The following MAPK10 variants were observed in gnomAD, a reference collection of about 807,000 sequenced individuals.
MAPK10 encodes mitogen-activated protein kinase 10.
In MAPK10, 25 loss-of-function variants were observed where a neutral mutation model predicts 59.3. The observed-to-expected ratio is 0.42, with a 90% CI of 0.31 to 0.59. MAPK10 has a LOEUF of 0.59. Among genes scored for constraint, MAPK10 ranks in the 20% least tolerant of loss-of-function variants. The probability of loss-of-function intolerance (pLI) is 0.15; values close to 1 mark genes in which losing one functional copy is unlikely to be tolerated. For synonymous variants in MAPK10, 190 were observed against 200.5 expected (o/e 0.95, Z 0.44); for missense variants, 351 against 568.9 (o/e 0.62, Z 3.90).
chr4:86,035,155 G>T (rs563125009), intron 11 of MAPK10, among the ~76,000 whole-genome samples: 1 of 152,108 alleles, frequency 6.6e-6, no homozygotes, highest in South Asian at 2.1e-4. Context: ...TGGATTATTT[G>T]AAGTCAGGAG....
At chr4:86,057,100 A>C (rs1293319344) in intron 11 of MAPK10, among the ~76,000 whole-genome samples, 1 of 149,028 alleles carries the variant, frequency 6.7e-6, no homozygotes, top group South Asian at 2.1e-4. Flanking sequence ...AGTACCTGGC[A>C]CTACAGGTGG....
chr4:86,548,146 G>A (rs528001648), intron 1 of MAPK10, among the ~76,000 whole-genome samples: 84 of 152,018 alleles, frequency 5.5e-4, no homozygotes, highest in Non-Finnish European at 7.8e-4. Context: ...AACACTCACC[G>A]CGAAGGTCTG....
chr4:86,266,822 T>C (rs2094257367), intron 2 of MAPK10, among the ~76,000 whole-genome samples: 1 of 152,072 alleles, frequency 6.6e-6, no homozygotes, highest in South Asian at 2.1e-4. Context: ...CTAGGCAGTA[T>C]AAGATATTAA....
rs370920485 is a variant in MAPK10, at chr4:86,064,615, G to A, written c.986-225C>T. On this transcript the variant is annotated intron_variant, in intron 10 of 13. Coordinates refer to ENST00000641462, the MANE Select transcript of MAPK10 (RefSeq NM_138982.4). ...CTCTCCAAGGGTTGTAACACTTTGG[G>A]TATATAATTATTCACGCAAACTTCT... 82 of 504,128 alleles carry A rather than the reference G, an allele frequency of 1.6e-4. 1 individual carries two copies. The South Asian group carries it at 2.0e-3, about 13-fold the overall frequency. The allele number at this position is 504,128 out of a possible 1,614,324, so 31.2% of individuals were successfully genotyped here. A position where few individuals can be genotyped will look rare whatever the true frequency, so the allele number is the denominator to read the frequency against.
chr4:86,448,853 G>A (rs894147170), intron 1 of MAPK10, among the ~76,000 whole-genome samples: 2 of 152,306 alleles, frequency 1.3e-5, no homozygotes, highest in Non-Finnish European at 2.9e-5. Context: ...CCCTGAGCTT[G>A]TTTTCCTGCA....
In MAPK10 at chr4:86,476,804, C is replaced by T. The variant is rs58142461; in HGVS notation, c.-263+117106G>A. Among the ~76,000 whole-genome samples, 323 of 152,252 alleles carry T rather than the reference C, an allele frequency of 2.1e-3. 3 individuals carry two copies. In the East Asian group the frequency reaches 0.036, roughly 17 times the overall value. ...ATCACCAGCATACAAGAACTCCAAA[C>T]GCCTGAACCACAGCTGCCAGGGGTT... On this transcript the variant is annotated intron_variant, in intron 1 of 4. Coordinates refer to the MAPK10 transcript ENST00000502302.
At chr4:86,223,446 G>A (rs1442239530) in intron 2 of MAPK10, among the ~76,000 whole-genome samples, 1 of 152,162 alleles carries the variant, frequency 6.6e-6, no homozygotes. Flanking sequence ...CAGCATTGCT[G>A]GCTGCATTCT....
At chr4:86,355,846 A>G (rs1002357276) in intron 1 of MAPK10, among the ~76,000 whole-genome samples, 3 of 152,190 alleles carry the variant, frequency 2.0e-5, no homozygotes, top group Admixed American at 6.5e-5. Flanking sequence ...TTCCTTCACT[A>G]TCAATGCTTT....
At chr4:86,486,343 G>A (rs910864802) in intron 1 of MAPK10, among the ~76,000 whole-genome samples, 1 of 152,154 alleles carries the variant, frequency 6.6e-6, no homozygotes, top group African/African-American at 2.4e-5. Flanking sequence ...CCACACTGGG[G>A]AGTAGAGAAG....
chr4:86,322,660 GT>G (rs1376421705), intron 2 of MAPK10, among the ~76,000 whole-genome samples: 1 of 152,152 alleles, frequency 6.6e-6, no homozygotes, highest in African/African-American at 2.4e-5. Context: ...TTTACTGTTT[GT>G]TTCAGATGGT....
chr4:86,538,667 T>G (rs185109246), intron 1 of MAPK10, among the ~76,000 whole-genome samples: 21 of 152,324 alleles, frequency 1.4e-4, no homozygotes, highest in African/African-American at 4.6e-4. Context: ...CCTTAAAATA[T>G]TCACTCTTCC....
chr4:86,363,475 T>C (rs959511297), upstream of MAPK10, among the ~76,000 whole-genome samples: 4 of 152,202 alleles, frequency 2.6e-5, no homozygotes, highest in African/African-American at 9.7e-5. Context: ...TAGGTGTTAG[T>C]TTCCTTTTTA....
At chr4:86,157,059 C>T (rs1446780388) in intron 4 of MAPK10, among the ~76,000 whole-genome samples, 1 of 151,972 alleles carries the variant, frequency 6.6e-6, no homozygotes, top group Non-Finnish European at 1.5e-5. Context: ...TTTTGACCTA[C>T]CATCAATGGT....
intron 1 of MAPK10, among the ~76,000 whole-genome samples, chr4:86,387,173 G>A (rs906477927): frequency 6.6e-6 from 1 of 152,120 alleles, no homozygotes; most frequent in Non-Finnish European, 1.5e-5. Context: ...CAGCCGGAGG[G>A]GCACAGGGAG....
chr4:86,517,461 G>GAGACAGGGTTT (rs1756774384), intron 1 of MAPK10, among the ~76,000 whole-genome samples: 1 of 151,902 alleles, frequency 6.6e-6, no homozygotes, highest in Non-Finnish European at 1.5e-5. Flanking sequence ...ATTTTTAGTA[G>GAGACAGGGTTT]AGACAGGGTT....
Position 86,017,467 on chromosome 4 carries a change from T to C in MAPK10, c.1253-97A>G, listed in dbSNP as rs1298296284. 2 of 1,317,642 alleles carry C rather than the reference T, an allele frequency of 1.5e-6. No homozygotes were observed. Among genetic ancestry groups the C allele is most frequent in the East Asian group, 4.7e-5 (2 of 42,746 alleles). 81.6% of individuals were successfully genotyped at this position (1,317,642 alleles called of 1,614,324 possible). On this transcript the variant is annotated intron_variant, in intron 13 of 13. Coordinates refer to ENST00000641462, the MANE Select transcript of MAPK10 (RefSeq NM_138982.4). The surrounding 1 kb of genome is among the most constrained non-coding windows in gnomAD (Gnocchi z 4.4). ...AGGGATGGGCAAATACAATAGGGGA[T>C]GTCCAGTCCATCAATCATTTGGCAA...
At chr4:86,161,341 A>G (rs534451823) in intron 3 of MAPK10, among the ~76,000 whole-genome samples, 10 of 152,194 alleles carry the variant, frequency 6.6e-5, no homozygotes, top group African/African-American at 2.4e-4. Flanking sequence ...GGAGACAACA[A>G]CAGGATTTAG....
chr4:86,421,354 T>C (rs112888573), intron 1 of MAPK10, among the ~76,000 whole-genome samples: 167 of 152,236 alleles, frequency 1.1e-3, no homozygotes, highest in Middle Eastern at 6.8e-3. Flanking sequence ...AATTATAAAT[T>C]CTCTAAAAAA....
At chr4:86,020,615 T>G (rs149677723) in intron 13 of MAPK10, 2 of 158,464 alleles carry the variant, frequency 1.3e-5, no homozygotes, top group African/African-American at 4.8e-5. Flanking sequence ...CTGGAGTCTG[T>G]CCCTTCTGAT....
Sources: allele counts gnomAD v4.1 joint callset (sites outside exome capture counted in the v4.1 genomes callset), GRCh38; gene constraint gnomAD v4.1.1; non-coding constraint Gnocchi (gnomAD v3.1); transcripts MANE v1.5; gene names NCBI Gene and HGNC (gene_info 2026-07-23, HGNC 2026-07-21).